The following FBXO15 variants were observed in gnomAD, a reference collection of about 807,000 sequenced individuals.
FBXO15 encodes the protein F-box protein 15.
In FBXO15, 30 loss-of-function variants were observed where a neutral mutation model predicts 49.5. The ratio of observed to expected loss-of-function variants is 0.61; its 90% CI spans 0.45 to 0.82. FBXO15 has a LOEUF of 0.82. FBXO15 is among the 40% of genes least tolerant of loss of function. The probability of loss-of-function intolerance (pLI) is 0.00; values close to 1 mark genes in which losing one functional copy is unlikely to be tolerated. For synonymous variants in FBXO15, 250 were observed against 232.7 expected, an observed-to-expected ratio of 1.07 and a Z score of -0.68; for missense variants, 591 against 631.5, an observed-to-expected ratio of 0.94 and a Z score of 0.69.
In FBXO15 at chr18:74,147,809, A is replaced by T. The variant is rs779305892; in HGVS notation, c.-24T>A. ...ATAGAGACAAGGAGTTCACCACAGG[A>T]CCGCGCCAGGGCTGAAACGAAGAGT... On this transcript the variant is annotated 5_prime_UTR_variant, in exon 1 of 10. Coordinates refer to ENST00000419743, the MANE Select transcript of FBXO15 (RefSeq NM_001142958.2). The T allele has an allele frequency of 9.3e-6, 14 of 1,501,716 alleles. No homozygotes were observed. The South Asian group carries it at 1.7e-4, about 19-fold the overall frequency. 93.0% of individuals were successfully genotyped at this position (1,501,716 alleles called of 1,614,324 possible).
At chr18:74,115,464 T>A (rs576591023) in intron 8 of FBXO15, among the ~76,000 whole-genome samples, 1 of 152,254 alleles carries the variant, frequency 6.6e-6, no homozygotes, top group South Asian at 2.1e-4. Context: ...AAAATAGAAC[T>A]AAGGGATATT....
At chr18:74,091,102 G>A (rs1390377831) in intron 8 of FBXO15, among the ~76,000 whole-genome samples, 1 of 152,176 alleles carries the variant, frequency 6.6e-6, no homozygotes, top group South Asian at 2.1e-4. Context: ...ATATTTAGGA[G>A]AGTTAGTTCT....
chr18:74,108,523 GA>G (rs58040739), intron 8 of FBXO15, among the ~76,000 whole-genome samples: 11,725 of 134,544 alleles, frequency 0.087, 1,453 homozygotes, highest in African/African-American at 0.28. Flanking sequence ...AAAAAAGACG[GA>G]AAAAAAAAAA....
chr18:74,141,562 A>G (rs1979077765), intron 1 of FBXO15, among the ~76,000 whole-genome samples: 1 of 152,210 alleles, frequency 6.6e-6, no homozygotes. Flanking sequence ...TTGAAACAAC[A>G]TTCATAAAGG....
chr18:74,093,500 C>T (rs950069299), intron 8 of FBXO15, among the ~76,000 whole-genome samples: 1 of 152,186 alleles, frequency 6.6e-6, no homozygotes. Context: ...GAGAGGCCAG[C>T]AGACATAAGG....
intron 8 of FBXO15, among the ~76,000 whole-genome samples, chr18:74,103,674 T>C (rs1156255800): frequency 6.6e-6 from 1 of 152,116 alleles, no homozygotes; most frequent in Non-Finnish European, 1.5e-5. Flanking sequence ...TGGCAATAGA[T>C]TTCTCAATAG....
At chr18:74,126,503 T>C (rs1054781667) in intron 5 of FBXO15, among the ~76,000 whole-genome samples, 1 of 152,262 alleles carries the variant, frequency 6.6e-6, no homozygotes, top group Non-Finnish European at 1.5e-5. Flanking sequence ...GATACACTAT[T>C]TCAAGTGACA....
intron 8 of FBXO15, among the ~76,000 whole-genome samples, chr18:74,101,740 A>C (rs1376054669): frequency 2.0e-5 from 3 of 152,192 alleles, no homozygotes; most frequent in Non-Finnish European, 4.4e-5. Context: ...AGTCACCAAA[A>C]CAGCATGGTA....
In FBXO15 at chr18:74,147,661, T is replaced by C. The variant is rs1164972131; in HGVS notation, c.116+9A>G. The C allele has an allele frequency of 2.1e-6, 3 of 1,445,164 alleles. No homozygotes were observed. The highest frequency in any genetic ancestry group is 1.5e-5 in the African/African-American group (1 of 67,522). The allele number at this position is 1,445,164 out of a possible 1,614,324, so 89.5% of individuals were successfully genotyped here. A position where few individuals can be genotyped will look rare whatever the true frequency, so the allele number is the denominator to read the frequency against. ...GCCAGGGGACCCCACCCGCAGGCCCTACAGTCACCTGCACCCAAAGGCCCT... is the reference window on the plus strand; with the variant it reads ...GCCAGGGGACCCCACCCGCAGGCCCCACAGTCACCTGCACCCAAAGGCCCT... On this transcript the variant is annotated intron_variant, in intron 1 of 9. Transcript: ENST00000419743.
chr18:74,132,464 C>A (rs1978451385), intron 3 of FBXO15, among the ~76,000 whole-genome samples: 1 of 152,344 alleles, frequency 6.6e-6, no homozygotes, highest in African/African-American at 2.4e-5. Context: ...ATAAACTCCA[C>A]ATGCAGTGAG....
intron 1 of FBXO15, among the ~76,000 whole-genome samples, chr18:74,145,747 G>A (rs1249259423): frequency 6.6e-6 from 1 of 151,922 alleles, no homozygotes; most frequent in Non-Finnish European, 1.5e-5. Context: ...ACAGGCGCCC[G>A]CCACCATGCC....
intron 8 of FBXO15, among the ~76,000 whole-genome samples, chr18:74,105,291 T>C (rs1365612681): frequency 6.6e-6 from 1 of 152,180 alleles, no homozygotes; most frequent in Admixed American, 6.5e-5. Flanking sequence ...TAGTTAGAAT[T>C]AAATAATTCA....
rs149363362 is a variant in FBXO15 at position 74,075,344 on chromosome 18, C to A, written c.1264-1614G>T. Among the ~76,000 whole-genome samples the A allele has an allele frequency of 2.1e-3, 326 of 152,336 alleles. 1 individual carries two copies. Among genetic ancestry groups the A allele is most frequent in the Non-Finnish European group, 2.0e-3 (135 of 68,032 alleles). ...TCACATGTGTTTCTCATCTGCTCCT[C>A]CCGGGTGTGGCCCAGTAACCTCCTG... On this transcript the variant is annotated intron_variant, in intron 9 of 9. Transcript: ENST00000419743. This position sits in a 1 kb window ranked among gnomAD's most constrained non-coding sequence, Gnocchi z 4.1.
chr18:74,076,128 G>C (rs781651317), intron 9 of FBXO15: 13 of 152,324 alleles, frequency 8.5e-5, no homozygotes, highest in African/African-American at 2.6e-4. Context: ...AAATGTGGGC[G>C]TCCTTCTAGG....
At chr18:74,106,169 T>C (rs940585201) in intron 8 of FBXO15, among the ~76,000 whole-genome samples, 1 of 148,820 alleles carries the variant, frequency 6.7e-6, no homozygotes. Flanking sequence ...AATTTTTATG[T>C]TAATCAAAAG....
intron 8 of FBXO15, among the ~76,000 whole-genome samples, chr18:74,106,815 C>T (rs1274590234): frequency 6.6e-6 from 1 of 152,026 alleles, no homozygotes; most frequent in Non-Finnish European, 1.5e-5. Flanking sequence ...GATAACAGTG[C>T]TATAATCATG....
intron 8 of FBXO15, among the ~76,000 whole-genome samples, chr18:74,093,001 ACAGGGG>A (rs1913111011): frequency 6.6e-6 from 1 of 152,168 alleles, no homozygotes. Context: ...CTGTGTTGGC[ACAGGGG>A]CAGGGTGCTG....
intron 8 of FBXO15, among the ~76,000 whole-genome samples, chr18:74,085,503 G>T (rs1039413962): frequency 6.6e-6 from 1 of 152,202 alleles, no homozygotes; most frequent in Non-Finnish European, 1.5e-5. Context: ...TGAGGTGGGA[G>T]AATCGCTTGA....
intron 8 of FBXO15, among the ~76,000 whole-genome samples, chr18:74,112,971 G>A (rs1200616027): frequency 2.0e-5 from 3 of 152,238 alleles, no homozygotes; most frequent in Non-Finnish European, 4.4e-5. Flanking sequence ...ACTGAAAGGA[G>A]TTAAAAACTT....
Sources: gnomAD v4.1 joint callset for allele counts (sites outside exome capture counted in the v4.1 genomes callset) on GRCh38, gnomAD v4.1.1 for gene constraint, Gnocchi (gnomAD v3.1) non-coding constraint, MANE v1.5 for transcripts, NCBI Gene and HGNC (gene_info 2026-07-23, HGNC 2026-07-21) for gene names.